Variants in LRRC37A2 observed in about 807,000 individuals in gnomAD.
LRRC37A2 encodes leucine rich repeat containing 37 member A2, also known as leucine-rich repeat-containing protein 37A2.
LRRC37A2 carries 9 observed loss-of-function variants against 68.8 expected under a neutral mutation model. The observed-to-expected ratio is 0.13, with a 90% CI of 0.08 to 0.23. The LOEUF is 0.23. Among genes scored for constraint, LRRC37A2 ranks in the 10% least tolerant of loss-of-function variants. The probability of loss-of-function intolerance (pLI) is 1.00; values close to 1 mark genes in which losing one functional copy is unlikely to be tolerated. For synonymous variants in LRRC37A2, 63 were observed against 367.6 expected (o/e 0.17, Z 9.48); for missense variants, 168 against 950.4 (o/e 0.18, Z 10.82).
chr17:46,864,724 T>C, the LRRC37A2 span, among the ~76,000 whole-genome samples: 1 of 152,264 alleles, frequency 6.6e-6, no homozygotes, highest in African/African-American at 2.4e-5. Flanking sequence ...ACTGCCAGGC[T>C]TGGTGGAAGC....
the LRRC37A2 span, among the ~76,000 whole-genome samples, chr17:46,732,762 A>G: frequency 6.6e-6 from 1 of 152,200 alleles, no homozygotes; most frequent in Non-Finnish European, 1.5e-5. Flanking sequence ...CTTTATTTCA[A>G]TCAAGTTTCC....
At chr17:46,849,357 G>A in the LRRC37A2 span, among the ~76,000 whole-genome samples, 2 of 152,210 alleles carry the variant, frequency 1.3e-5, no homozygotes, top group Non-Finnish European at 2.9e-5. Flanking sequence ...CCTTCTCCAT[G>A]CACAAGCATG....
chr17:46,754,624 T>C, the LRRC37A2 span, among the ~76,000 whole-genome samples: 1 of 152,194 alleles, frequency 6.6e-6, no homozygotes, highest in African/African-American at 2.4e-5. Flanking sequence ...TAAATATGAA[T>C]AGAAAATGAA....
chr17:46,807,052 G>GTCATT, the LRRC37A2 span, among the ~76,000 whole-genome samples: 1 of 152,238 alleles, frequency 6.6e-6, no homozygotes, highest in East Asian at 1.9e-4. Context: ...TCATTGGCCA[G>GTCATT]GAACGAGAGA....
chr17:46,790,330 G>A, the LRRC37A2 span, among the ~76,000 whole-genome samples: 1 of 152,136 alleles, frequency 6.6e-6, no homozygotes, highest in Non-Finnish European at 1.5e-5. Context: ...GTGGGCCATT[G>A]GTTCTCATCC....
At chr17:46,784,919 G>A in the LRRC37A2 span, among the ~76,000 whole-genome samples, 2 of 151,990 alleles carry the variant, frequency 1.3e-5, no homozygotes, top group Non-Finnish European at 2.9e-5. Flanking sequence ...GGGACTACAG[G>A]CACCCGCCAC....
chr17:47,018,602 A>C, the LRRC37A2 span: 1 of 1,520,406 alleles, frequency 6.6e-7, no homozygotes, highest in Non-Finnish European at 9.1e-7. Flanking sequence ...AAGAAGCTGG[A>C]CCTTTAGCAG....
chr17:46,739,228 A>G, the LRRC37A2 span, among the ~76,000 whole-genome samples: 1 of 152,066 alleles, frequency 6.6e-6, no homozygotes, highest in East Asian at 1.9e-4. Context: ...AAAATTAGCC[A>G]GGCATGGTGA....
chr17:46,747,472 G>T, the LRRC37A2 span, among the ~76,000 whole-genome samples: 9 of 151,894 alleles, frequency 5.9e-5, no homozygotes, highest in African/African-American at 2.2e-4. Flanking sequence ...TTGAGATGAG[G>T]TTTCGCCATG....
chr17:46,976,686 G>A, the LRRC37A2 span, among the ~76,000 whole-genome samples: 1 of 151,756 alleles, frequency 6.6e-6, no homozygotes, highest in Non-Finnish European at 1.5e-5. Context: ...CGGTGGAAAA[G>A]CGTGTAAGCC....
chr17:46,558,550 C>T (rs1451030458), downstream of LRRC37A2, among the ~76,000 whole-genome samples: 312 of 83,200 alleles, frequency 3.7e-3, 28 homozygotes, highest in East Asian at 0.09. Context: ...CCATGCCCGG[C>T]CAATTTTTTT....
At chr17:46,928,464 G>A in the LRRC37A2 span, among the ~76,000 whole-genome samples, 68,551 of 151,842 alleles carry the variant, frequency 0.45, 15,847 homozygotes, top group Non-Finnish European at 0.51. Context: ...CGTGAGCACC[G>A]GGAAGTGGAT....
At chr17:46,931,375 C>T in the LRRC37A2 span, 8 of 640,856 alleles carry the variant, frequency 1.2e-5, no homozygotes, top group African/African-American at 5.5e-5. Flanking sequence ...TGAGTGATGC[C>T]GCTCAAAATA....
chr17:46,745,354 G>A, the LRRC37A2 span, among the ~76,000 whole-genome samples: 236 of 152,236 alleles, frequency 1.6e-3, no homozygotes, highest in African/African-American at 5.3e-3. Context: ...TAAAGATGAC[G>A]CTTTACAAGT....
rs62073320 is a variant in LRRC37A2, at chr17:46,533,579, G to A, written c.2907-6597G>A. 6.9e-3 allele frequency among the ~76,000 whole-genome samples: 763 copies of A among 110,004 alleles called. 3 individuals are homozygous for A. The highest frequency in any genetic ancestry group is 0.016 in the Middle Eastern group (3 of 182). 72.2% of individuals were successfully genotyped at this position (110,004 alleles called of 152,430 possible). A position where few individuals can be genotyped will look rare whatever the true frequency, so the allele number is the denominator to read the frequency against. ...TGCAGTGGCACAATCTTTACTCGCCGCAACCTCTGCCTCCCAGGTTCAAGC... is the reference window on the plus strand; with the variant it reads ...TGCAGTGGCACAATCTTTACTCGCCACAACCTCTGCCTCCCAGGTTCAAGC... On this transcript the variant is annotated intron_variant, in intron 6 of 14. Coordinates refer to ENST00000576629, the Ensembl canonical transcript of LRRC37A2.
At chr17:46,799,511 C>T in the LRRC37A2 span, among the ~76,000 whole-genome samples, 1 of 145,306 alleles carries the variant, frequency 6.9e-6, no homozygotes, top group Non-Finnish European at 1.5e-5. Flanking sequence ...GCAGTGGTGT[C>T]ATCTCAGCTA....
At chr17:46,751,054 T>G in the LRRC37A2 span, among the ~76,000 whole-genome samples, 1 of 152,174 alleles carries the variant, frequency 6.6e-6, no homozygotes, top group South Asian at 2.1e-4. Flanking sequence ...CAGTAAAGCT[T>G]CTTAAAGTCC....
chr17:46,505,959 AT>A, the LRRC37A2 span, among the ~76,000 whole-genome samples: 1 of 100,960 alleles, frequency 9.9e-6, no homozygotes, highest in Non-Finnish European at 1.9e-5. Context: ...ATGCACCACC[AT>A]GCCTGGCTAA....
At chr17:46,691,602 CA>C in the LRRC37A2 span, among the ~76,000 whole-genome samples, 1 of 151,538 alleles carries the variant, frequency 6.6e-6, no homozygotes, top group Non-Finnish European at 1.5e-5. Context: ...CTCAAACAAA[CA>C]AACAAACAAA....
Sources: allele counts gnomAD v4.1 joint callset (sites outside exome capture counted in the v4.1 genomes callset), GRCh38; gene constraint gnomAD v4.1.1; transcripts MANE v1.5; gene names NCBI Gene and HGNC (gene_info 2026-07-23, HGNC 2026-07-21).